CSMD1: variants seen among roughly 807,000 people sequenced by gnomAD.
CSMD1 encodes the protein CUB and sushi domain-containing protein 1.
A neutral mutation model predicts 417.5 loss-of-function variants in CSMD1; 213 were observed. The ratio of observed to expected loss-of-function variants is 0.51; its 90% confidence interval spans 0.46 to 0.57. The LOEUF is 0.57. Among genes scored for constraint, CSMD1 ranks in the 20% least tolerant of loss-of-function variants. The pLI is 0.00. For synonymous variants in CSMD1, 2,862 were observed against 1,736.8 expected, an observed-to-expected ratio of 1.65 and a Z score of -16.11; for missense variants, 6,923 against 4,529.7, an observed-to-expected ratio of 1.53 and a Z score of -15.17.
intron 3 of CSMD1, among the ~76,000 whole-genome samples, chr8:4,059,667 C>G (rs1046256611): frequency 9.9e-5 from 15 of 152,212 alleles, no homozygotes; most frequent in Non-Finnish European, 1.8e-4. Context: ...ACAAACACCT[C>G]TACGCAAATA....
At chr8:3,810,675 G>C (rs1202038170) in intron 5 of CSMD1, among the ~76,000 whole-genome samples, 1 of 152,110 alleles carries the variant, frequency 6.6e-6, no homozygotes, top group Non-Finnish European at 1.5e-5. Context: ...AGCTTTTCTG[G>C]GATAGAATAG....
intron 12 of CSMD1, among the ~76,000 whole-genome samples, chr8:3,446,112 G>A (rs976491110): frequency 6.6e-5 from 10 of 152,136 alleles, no homozygotes; most frequent in African/African-American, 1.9e-4. Context: ...ACTAATTTGA[G>A]AAGTTTGTTG....
At chr8:3,916,289 A>G (rs772228804) in intron 5 of CSMD1, among the ~76,000 whole-genome samples, 1 of 152,188 alleles carries the variant, frequency 6.6e-6, no homozygotes, top group African/African-American at 2.4e-5. Context: ...GGAAAGTCTC[A>G]TATAAAATCA....
Position 3,240,133 on chromosome 8 carries a change from G to C in CSMD1, c.4154-9902C>G, listed in dbSNP as rs554059378. ...GGGCTAGGCAAAACAGTAAGGTCAAGTAATTTGGGTAAAAAGGCTACTCGG... is the reference window on the plus strand; with the variant it reads ...GGGCTAGGCAAAACAGTAAGGTCAACTAATTTGGGTAAAAAGGCTACTCGG... On this transcript the variant is annotated intron_variant, in intron 26 of 69. Coordinates refer to ENST00000635120, the MANE Select transcript of CSMD1 (RefSeq NM_033225.6). Among the ~76,000 whole-genome samples the C allele has an allele frequency of 2.6e-5, 4 of 152,184 alleles. No individual in the cohort carries two copies. The South Asian group carries it at 8.3e-4, about 32-fold the overall frequency.
At chr8:4,086,635 A>G (rs1800435957) in intron 3 of CSMD1, among the ~76,000 whole-genome samples, 1 of 152,198 alleles carries the variant, frequency 6.6e-6, no homozygotes, top group African/African-American at 2.4e-5. Context: ...ACTTTTCTTA[A>G]TGCACCAAGC....
chr8:4,929,891 G>A (rs903941618), intron 1 of CSMD1, among the ~76,000 whole-genome samples: 1 of 152,182 alleles, frequency 6.6e-6, no homozygotes, highest in Non-Finnish European at 1.5e-5. Context: ...AGAATCAGTA[G>A]ATTCTCCAGC....
intron 6 of CSMD1, among the ~76,000 whole-genome samples, chr8:3,722,884 C>G (rs1006203491): frequency 2.0e-5 from 3 of 148,528 alleles, no homozygotes; most frequent in Non-Finnish European, 4.5e-5. Flanking sequence ...TCATGGAACA[C>G]CATTTTTACT....
At chr8:4,271,468 T>A (rs1486953900) in intron 3 of CSMD1, among the ~76,000 whole-genome samples, 1 of 151,970 alleles carries the variant, frequency 6.6e-6, no homozygotes, top group Non-Finnish European at 1.5e-5. Flanking sequence ...CTCACTGCAA[T>A]GCAATACATT....
At chr8:4,017,678 T>C (rs576564436) in intron 4 of CSMD1, among the ~76,000 whole-genome samples, 3 of 152,136 alleles carry the variant, frequency 2.0e-5, no homozygotes, top group Non-Finnish European at 4.4e-5. Flanking sequence ...TTTTTTCAAA[T>C]TCGACTTCAA....
chr8:3,936,774 C>G (rs1403798577), intron 5 of CSMD1, among the ~76,000 whole-genome samples: 1 of 152,160 alleles, frequency 6.6e-6, no homozygotes. Context: ...ACACGAAAAA[C>G]TTTTGACTTT....
intron 3 of CSMD1, among the ~76,000 whole-genome samples, chr8:4,035,498 C>CCATACCTGTA (rs1797570981): frequency 1.4e-5 from 2 of 141,600 alleles, no homozygotes; most frequent in African/African-American, 6.2e-5. Context: ...CCATACCTGT[C>CCATACCTGTA]CTTGCCCCGA....
chr8:3,589,050 G>C (rs1027240157), intron 8 of CSMD1, among the ~76,000 whole-genome samples: 1 of 152,130 alleles, frequency 6.6e-6, no homozygotes, highest in African/African-American at 2.4e-5. Flanking sequence ...CACCTGTTAA[G>C]ATGGCTATTA....
chr8:4,545,428 C>T (rs960574505), intron 2 of CSMD1, among the ~76,000 whole-genome samples: 2 of 152,300 alleles, frequency 1.3e-5, no homozygotes, highest in South Asian at 2.1e-4. Context: ...AAGAGTCCTA[C>T]ATATTAGGAG....
chr8:3,784,750 A>C (rs1262068449), intron 5 of CSMD1, among the ~76,000 whole-genome samples: 1 of 152,232 alleles, frequency 6.6e-6, no homozygotes. Flanking sequence ...TGCATGACTA[A>C]GTAAAATAAG....
chr8:3,703,491 C>G (rs1306563042), intron 7 of CSMD1, among the ~76,000 whole-genome samples: 1 of 150,982 alleles, frequency 6.6e-6, no homozygotes, highest in Non-Finnish European at 1.5e-5. Flanking sequence ...TCAGTAGATA[C>G]TGGTTGTGTA....
intron 26 of CSMD1, among the ~76,000 whole-genome samples, chr8:3,233,037 G>A (rs186538300): frequency 3.7e-4 from 56 of 151,716 alleles, no homozygotes; most frequent in African/African-American, 1.3e-3. Context: ...ACTGATGATT[G>A]TTTAAATTTT....
At chr8:4,340,940 A>G (rs763063307) in intron 3 of CSMD1, among the ~76,000 whole-genome samples, 1 of 152,046 alleles carries the variant, frequency 6.6e-6, no homozygotes, top group South Asian at 2.1e-4. Context: ...GGCCTGAGAG[A>G]ATGTAGTCTG....
chr8:4,787,502 A>G (rs1374850547), intron 1 of CSMD1: 10 of 951,668 alleles, frequency 1.1e-5, no homozygotes, highest in Non-Finnish European at 1.7e-5. Context: ...CACCAGTTGT[A>G]TTTTTCAGTT....
intron 5 of CSMD1, among the ~76,000 whole-genome samples, chr8:3,790,831 G>A (rs1330442767): frequency 6.6e-6 from 1 of 152,120 alleles, no homozygotes; most frequent in Non-Finnish European, 1.5e-5. Flanking sequence ...AGATGTCAGA[G>A]CCCTGAGTAA....
Sources: gnomAD v4.1 joint callset for allele counts (sites outside exome capture counted in the v4.1 genomes callset) on GRCh38, gnomAD v4.1.1 for gene constraint, MANE v1.5 for transcripts, NCBI Gene and HGNC (gene_info 2026-07-23, HGNC 2026-07-21) for gene names.